Variants in PCLO observed in about 807,000 individuals in gnomAD.
PCLO encodes the protein protein piccolo.
In PCLO, 82 loss-of-function variants were observed where a neutral mutation model predicts 427.5. That is an observed-to-expected ratio of 0.19 (90% CI 0.16 to 0.23). The LOEUF is 0.23. PCLO is among the 10% of genes least tolerant of loss of function. The pLI is 1.00. For synonymous variants in PCLO, 2,357 were observed against 2,155.4 expected, an observed-to-expected ratio of 1.09 and a Z score of -2.59; for missense variants, 6,239 against 6,115.9, an observed-to-expected ratio of 1.02 and a Z score of -0.67.
chr7:83,072,024 TTTTAAG>T (rs1050578244), intron 3 of PCLO, among the ~76,000 whole-genome samples: 14 of 152,000 alleles, frequency 9.2e-5, no homozygotes, highest in African/African-American at 3.4e-4. Context: ...AAATTTCTTA[TTTTAAG>T]TTTAATTTAT....
At chr7:83,117,224 C>A (rs1791157264) in intron 3 of PCLO, among the ~76,000 whole-genome samples, 1 of 152,048 alleles carries the variant, frequency 6.6e-6, no homozygotes, top group Non-Finnish European at 1.5e-5. Context: ...TGTAGAAGGC[C>A]TGAGAAGTAG....
intron 3 of PCLO, among the ~76,000 whole-genome samples, chr7:83,073,195 A>G (rs1293754926): frequency 6.6e-6 from 1 of 152,070 alleles, no homozygotes; most frequent in Non-Finnish European, 1.5e-5. Flanking sequence ...AAGATAATAT[A>G]CAATATTAAA....
In PCLO at chr7:82,805,718, C is replaced by T. The variant is rs774628508; in HGVS notation, c.14903G>A (p.Gly4968Glu). 2 of 1,612,884 alleles carry T rather than the reference C, an allele frequency of 1.2e-6. No individual in the cohort carries two copies. The highest frequency in any genetic ancestry group is 1.7e-6 in the Non-Finnish European group (2 of 1,179,442). ...VDSEGSSSTA[G>E]ETNLFPIPRI... ...CGGAATAGGAAATAGATTAGTCTCC[C>T]CTGCAGTGCTGCTGCTTCCTTCACT... The change falls in exon 21 of 25, where the codon GGG (glycine) becomes GAG (glutamate). Residue 4968 changes from glycine to glutamate, a missense_variant. By Grantham distance (98) the Gly-to-Glu change is moderately conservative. Around this residue, in one of 5 missense-constraint regions of PCLO, gnomAD observed 877 missense variants for 925.5 expected, o/e 0.95. Transcript: ENST00000333891.
intron 15 of PCLO, among the ~76,000 whole-genome samples, chr7:82,837,602 T>C (rs544119608): frequency 3.5e-4 from 54 of 152,126 alleles, no homozygotes; most frequent in Admixed American, 1.2e-3. Context: ...GAAAGTTAAA[T>C]ATCTCCAAAG....
intron 20 of PCLO, chr7:82,820,626 A>G (rs1421003401): frequency 2.4e-6 from 3 of 1,230,282 alleles, no homozygotes; most frequent in Non-Finnish European, 3.0e-6. Context: ...ATGTAAAGGT[A>G]AATGAGTGCA....
chr7:82,823,509 C>T (rs1406600651), intron 19 of PCLO, among the ~76,000 whole-genome samples: 4 of 152,148 alleles, frequency 2.6e-5, no homozygotes, highest in African/African-American at 4.8e-5. Context: ...TTTTATCCCA[C>T]AGAGGCAGTA....
At chr7:82,938,869 G>A (rs1795015904) in intron 6 of PCLO, among the ~76,000 whole-genome samples, 1 of 151,992 alleles carries the variant, frequency 6.6e-6, no homozygotes, top group Admixed American at 6.6e-5. Context: ...TCCTTTATCA[G>A]AAAATGTGTT....
chr7:83,038,011 A>T (rs1050225256), intron 3 of PCLO, among the ~76,000 whole-genome samples: 2 of 44,972 alleles, frequency 4.4e-5, no homozygotes, highest in African/African-American at 3.0e-4. Flanking sequence ...ATATATATAT[A>T]TATATATATA....
intron 3 of PCLO, among the ~76,000 whole-genome samples, chr7:83,052,905 T>C (rs1789288923): frequency 6.6e-6 from 1 of 151,954 alleles, no homozygotes; most frequent in African/African-American, 2.4e-5. Context: ...ATCCTCCAAA[T>C]TGAAGTCTCA....
intron 22 of PCLO, among the ~76,000 whole-genome samples, chr7:82,766,994 T>C (rs1790544464): frequency 6.6e-6 from 1 of 152,198 alleles, no homozygotes; most frequent in South Asian, 2.1e-4. Flanking sequence ...GGTCCATTGC[T>C]ACCTCTTATA....
At chr7:82,802,336 C>T (rs922944652) in intron 21 of PCLO, among the ~76,000 whole-genome samples, 27 of 152,008 alleles carry the variant, frequency 1.8e-4, no homozygotes, top group African/African-American at 4.8e-4. Context: ...ATAAACATGA[C>T]ATATTAACAG....
At chr7:83,133,870 A>T (rs1791637693) in intron 3 of PCLO, among the ~76,000 whole-genome samples, 2 of 151,936 alleles carry the variant, frequency 1.3e-5, no homozygotes, top group South Asian at 4.1e-4. Context: ...AAAACCTTTT[A>T]TCTGGAGTTT....
intron 9 of PCLO, among the ~76,000 whole-genome samples, chr7:82,896,065 C>T (rs1044252262): frequency 6.6e-6 from 1 of 151,806 alleles, no homozygotes; most frequent in East Asian, 1.9e-4. Flanking sequence ...CAAAGTAAAT[C>T]ATGAAAAATT....
intron 15 of PCLO, among the ~76,000 whole-genome samples, chr7:82,836,121 C>T (rs1166922571): frequency 1.3e-5 from 2 of 152,130 alleles, no homozygotes; most frequent in East Asian, 3.9e-4. Context: ...ATGTTACCTG[C>T]CTGTCCTTCC....
At chr7:83,127,910 C>G (rs1791477829) in intron 3 of PCLO, among the ~76,000 whole-genome samples, 1 of 152,096 alleles carries the variant, frequency 6.6e-6, no homozygotes, top group African/African-American at 2.4e-5. Context: ...CAGGCATCAG[C>G]AGTGTATCTC....
chr7:83,054,824 A>G (rs1315801833), intron 3 of PCLO, among the ~76,000 whole-genome samples: 1 of 152,088 alleles, frequency 6.6e-6, no homozygotes, highest in African/African-American at 2.4e-5. Flanking sequence ...TTGTTGAATG[A>G]GTTGAGCAAC....
chr7:82,918,533 A>G (rs942767510), intron 6 of PCLO, among the ~76,000 whole-genome samples: 21 of 152,138 alleles, frequency 1.4e-4, no homozygotes, highest in African/African-American at 4.6e-4. Flanking sequence ...AAAAATTAAG[A>G]TCCTACAATA....
intron 6 of PCLO, among the ~76,000 whole-genome samples, chr7:82,925,798 C>T (rs891222355): frequency 2.1e-5 from 3 of 145,590 alleles, no homozygotes; most frequent in African/African-American, 5.1e-5. Flanking sequence ...TGGCTCATCA[C>T]GCCTTGACCT....
intron 10 of PCLO, 100 bp from the exon 11 acceptor site, chr7:82,847,347 G>T: frequency 1.5e-6 from 1 of 645,236 alleles, no homozygotes; most frequent in Non-Finnish European, 2.7e-6. Context: ...AGTCAACTCA[G>T]CACACCATTT....
Sources: gnomAD v4.1 joint callset for allele counts (sites outside exome capture counted in the v4.1 genomes callset) on GRCh38, gnomAD v4.1.1 for gene constraint, gnomAD v4.1.1 regional missense constraint, MANE v1.5 for transcripts, NCBI Gene and HGNC (gene_info 2026-07-23, HGNC 2026-07-21) for gene names.